RIPK1: variants seen among roughly 807,000 people sequenced by gnomAD.
RIPK1 encodes receptor interacting serine/threonine kinase 1, also known as receptor-interacting serine/threonine-protein kinase 1.
In RIPK1, 27 loss-of-function variants were observed where a neutral mutation model predicts 62.4. The ratio of observed to expected loss-of-function variants is 0.43; its 90% CI spans 0.32 to 0.60. The LOEUF is 0.60. Among genes scored for constraint, RIPK1 ranks in the 20% least tolerant of loss-of-function variants. The probability of loss-of-function intolerance (pLI) is 0.07; values close to 1 mark genes in which losing one functional copy is unlikely to be tolerated. For missense variants in RIPK1, 735 were observed against 831.0 expected (o/e 0.88, Z 1.42); for synonymous variants, 287 against 303.2 (o/e 0.95, Z 0.55).
intron 6 of RIPK1, among the ~76,000 whole-genome samples, chr6:3,088,038 T>A (rs1251443669): frequency 6.6e-6 from 1 of 152,250 alleles, no homozygotes; most frequent in East Asian, 1.9e-4. Context: ...TGGCATCTAT[T>A]GATTGTCTTA....
chr6:3,083,335 A>C (rs1759517079), intron 5 of RIPK1, 22 bp downstream of exon 5: 1 of 1,585,864 alleles, frequency 6.3e-7, no homozygotes, highest in Non-Finnish European at 8.6e-7. Flanking sequence ...CTTACTTTCC[A>C]CTGCCGTCCC....
intron 7 of RIPK1, among the ~76,000 whole-genome samples, chr6:3,101,924 G>C (rs916837062): frequency 1.3e-5 from 2 of 152,080 alleles, no homozygotes; most frequent in Non-Finnish European, 2.9e-5. Context: ...CTGAAACTCT[G>C]TACCTGCTAA....
At chr6:3,107,625 C>T (rs1337328491) in intron 9 of RIPK1, among the ~76,000 whole-genome samples, 1 of 151,652 alleles carries the variant, frequency 6.6e-6, no homozygotes, top group East Asian at 1.9e-4. Flanking sequence ...TGCAGTTCTC[C>T]AGGCACTGGA....
At chr6:3,074,012 C>A (rs1167299829) in intron 1 of RIPK1, among the ~76,000 whole-genome samples, 1 of 152,246 alleles carries the variant, frequency 6.6e-6, no homozygotes, top group Non-Finnish European at 1.5e-5. Context: ...CGAAATACTT[C>A]AGCATGCATA....
intron 7 of RIPK1, among the ~76,000 whole-genome samples, chr6:3,089,974 A>G (rs190517351): frequency 6.6e-6 from 1 of 152,346 alleles, no homozygotes; most frequent in African/African-American, 2.4e-5. Flanking sequence ...AAGACCACAG[A>G]ATTATTCTGC....
At chr6:3,071,424 C>T (rs1453507457) in intron 1 of RIPK1, among the ~76,000 whole-genome samples, 1 of 152,192 alleles carries the variant, frequency 6.6e-6, no homozygotes, top group East Asian at 1.9e-4. Flanking sequence ...AAAACATTTA[C>T]AAATTCCTTC....
At chr6:3,074,148 T>C (rs1010954767) in intron 1 of RIPK1, among the ~76,000 whole-genome samples, 12 of 152,306 alleles carry the variant, frequency 7.9e-5, no homozygotes, top group East Asian at 3.9e-4. Flanking sequence ...CCCGTTGATA[T>C]CCTACAACAT....
chr6:3,109,097 C>T lies in RIPK1; in HGVS notation c.1577-1706C>T, dbSNP rs9501923. Among the ~76,000 whole-genome samples the T allele has an allele frequency of 4.2e-3, 640 of 152,256 alleles. 4 individuals are homozygous for T. The highest frequency in any genetic ancestry group is 0.014 in the African/African-American group (568 of 41,522). On this transcript the variant is annotated intron_variant, in intron 9 of 10. Coordinates refer to ENST00000259808, the MANE Select transcript of RIPK1 (RefSeq NM_001354930.2). Reference sequence around the variant, plus strand: ...CATGAATGTCATTGAGCCCATGCCCCGTACCAAGGCCCAGGCTAGCGAGTG... The same window carrying T: ...CATGAATGTCATTGAGCCCATGCCCTGTACCAAGGCCCAGGCTAGCGAGTG...
chr6:3,096,893 C>T (rs1217655037), intron 7 of RIPK1, among the ~76,000 whole-genome samples: 1 of 150,904 alleles, frequency 6.6e-6, no homozygotes, highest in Non-Finnish European at 1.5e-5. Context: ...GTTTTTGAGA[C>T]AGAGTCTTGC....
chr6:3,068,798 C>A, intron 1 of RIPK1, 137 bp downstream of exon 1: 2 of 349,958 alleles, frequency 5.7e-6, no homozygotes, highest in Non-Finnish European at 8.0e-6. Flanking sequence ...TAATCCCCAA[C>A]CCTCCGCCGC....
At chr6:3,104,663 TC>T (rs1368757630) in intron 8 of RIPK1, among the ~76,000 whole-genome samples, 1 of 152,014 alleles carries the variant, frequency 6.6e-6, no homozygotes, top group Non-Finnish European at 1.5e-5. Flanking sequence ...TGGTCTCAGG[TC>T]AAGTAGGGAT....
Position 3,076,699 on chromosome 6 carries a change from CATATATATATAT to C in RIPK1, c.-60-49_-60-38del, listed in dbSNP as rs10526418. ...TGTCTCCAAAGGAGAAAAAAAAAAA[CATATATATATAT>C]ATATATATATATATAGTCTTGCCCT... On this transcript the variant is annotated intron_variant, in intron 1 of 10. Transcript: ENST00000259808. The C allele has an allele frequency of 8.3e-5, 18 of 217,778 alleles. 2 individuals carry two copies. The East Asian group carries it at 1.9e-3, about 23-fold the overall frequency. 13.5% of individuals were successfully genotyped at this position (217,778 alleles called of 1,614,324 possible).
At chr6:3,073,185 C>T (rs1758837157) in intron 1 of RIPK1, among the ~76,000 whole-genome samples, 1 of 151,248 alleles carries the variant, frequency 6.6e-6, no homozygotes, top group African/African-American at 2.4e-5. Context: ...TCTACATATA[C>T]AATATATGCA....
upstream of RIPK1, among the ~76,000 whole-genome samples, chr6:3,065,631 G>A (rs549953296): frequency 1.1e-4 from 16 of 152,188 alleles, 1 homozygote; most frequent in South Asian, 3.3e-3. Context: ...GGGAACTGCA[G>A]CCTGGGGGTG....
At chr6:3,085,543 G>C (rs1759642976) in intron 6 of RIPK1, 135 bp downstream of exon 6, 6 of 902,370 alleles carry the variant, frequency 6.6e-6, no homozygotes, top group Non-Finnish European at 1.0e-5. Context: ...TGATTTTCTA[G>C]ATTTCAAACA....
Position 3,083,327 on chromosome 6 carries a change from T to A in RIPK1, c.688+14T>A, listed in dbSNP as rs750775527. The A allele has an allele frequency of 6.3e-7, 1 of 1,599,220 alleles. No individual in the cohort carries two copies. Among genetic ancestry groups the A allele is most frequent in the Non-Finnish European group, 8.5e-7 (1 of 1,173,344 alleles). ...AGCCATATGAAAGTAAGGCATTACT[T>A]ACTTTCCACTGCCGTCCCCTCAGCA... On this transcript the variant is annotated intron_variant, in intron 5 of 10. Coordinates refer to ENST00000259808, the MANE Select transcript of RIPK1 (RefSeq NM_001354930.2).
rs756480146 is a variant in RIPK1 at position 3,105,664 on chromosome 6, C to A, written c.1189C>A (p.Gln397Lys). 4 of 1,613,984 alleles carry A rather than the reference C, an allele frequency of 2.5e-6. No homozygotes were observed. In the East Asian group the frequency reaches 8.9e-5, roughly 36 times the overall value. The change falls in exon 9 of 11, where the codon CAG becomes AAG. Residue 397 changes from glutamine to lysine, a missense_variant. Transcript: ENST00000259808. This position sits in a 1 kb window ranked among gnomAD's most constrained non-coding sequence, Gnocchi z 4.5. ...CAGCCGCATGGACAGGCAGACGAAA[C>A]AGCAGCCCAGACAGAATGTGGCTTA... ...YGSRMDRQTKQQPRQNVAYNR... is the reference protein window; with the variant it reads ...YGSRMDRQTKKQPRQNVAYNR...
chr6:3,077,851 G>A lies in RIPK1; in HGVS notation c.237G>A (p.Leu79=). The change falls in exon 3 of 11, where the codon CTG becomes CTA. Residue 79 remains leucine (L), a synonymous_variant. Coordinates refer to ENST00000259808, the MANE Select transcript of RIPK1 (RefSeq NM_001354930.2). Reference sequence around the variant, plus strand: ...GACACAGCCGGGTGGTGAAGCTCCTGGGCGTCATCATAGAGGAAGGGAAGT... The same window carrying A: ...GACACAGCCGGGTGGTGAAGCTCCTAGGCGTCATCATAGAGGAAGGGAAGT... The part of the protein sequence containing the change: ...RLRHSRVVKL[L]GVIIEEGKYS... 1.9e-6 allele frequency: 3 copies of A among 1,614,212 alleles called. No homozygotes were observed. The highest frequency in any genetic ancestry group is 1.1e-5 in the South Asian group (1 of 91,088).
rs1450787885 is a variant in RIPK1, at chr6:3,096,569, T to C, written c.915+6912T>C. Among the ~76,000 whole-genome samples the C allele has an allele frequency of 5.6e-3, 773 of 137,166 alleles. 14 individuals carry two copies. The highest frequency in any genetic ancestry group is 0.021 in the African/African-American group (757 of 36,496). The allele number at this position is 137,166 out of a possible 152,430, so 90.0% of individuals were successfully genotyped here. ...TCTCAAGTTTTTTTTTTTTTTTTTTTTTTTTTTTGAGACAGAGTCTCGCTC... is the reference window on the plus strand; with the variant it reads ...TCTCAAGTTTTTTTTTTTTTTTTTTCTTTTTTTTGAGACAGAGTCTCGCTC... On this transcript the variant is annotated intron_variant, in intron 7 of 10. Coordinates refer to ENST00000259808, the MANE Select transcript of RIPK1 (RefSeq NM_001354930.2).
Sources: allele counts gnomAD v4.1 joint callset (sites outside exome capture counted in the v4.1 genomes callset), GRCh38; gene constraint gnomAD v4.1.1; non-coding constraint Gnocchi (gnomAD v3.1); transcripts MANE v1.5; gene names NCBI Gene and HGNC (gene_info 2026-07-23, HGNC 2026-07-21).